SLC17A5: variants seen among roughly 807,000 people sequenced by gnomAD.
The protein encoded by SLC17A5 is sialin.
Under a neutral mutation model 59.4 loss-of-function variants are expected in SLC17A5, and 47 were observed. The ratio of observed to expected loss-of-function variants is 0.79; its 90% CI spans 0.63 to 1.01. The LOEUF (loss-of-function observed/expected upper bound fraction) is 1.01, where lower values mean the gene tolerates loss of function less well. Among genes scored for constraint, SLC17A5 ranks in the 50% least tolerant of loss-of-function variants. The probability of loss-of-function intolerance (pLI) is 0.00; values close to 1 mark genes in which losing one functional copy is unlikely to be tolerated. For synonymous variants in SLC17A5, 202 were observed against 210.7 expected, an observed-to-expected ratio of 0.96 and a Z score of 0.36; for missense variants, 522 against 595.5, an observed-to-expected ratio of 0.88 and a Z score of 1.28.
rs1176835196 is a variant in SLC17A5, at chr6:73,644,394, A to C, written c.291+13T>G. The stretch of plus-strand genomic sequence containing the variant: ...GGATAATTAAAATTGTTTCCTTAAA[A>C]AATAGCACCTACCGTTTGATTATGA... On this transcript the variant is annotated intron_variant, in intron 2 of 10. Coordinates refer to ENST00000355773, the MANE Select transcript of SLC17A5 (RefSeq NM_012434.5). The C allele has an allele frequency of 3.7e-6, 6 of 1,605,986 alleles. No individual in the cohort carries two copies. In the African/African-American group the frequency reaches 8.0e-5, roughly 21 times the overall value.
chr6:73,601,271 C>T (rs1187884393), intron 9 of SLC17A5, among the ~76,000 whole-genome samples: 1 of 143,538 alleles, frequency 7.0e-6, no homozygotes, highest in East Asian at 2.1e-4. Context: ...TCTGCCCAGC[C>T]GCCCCGTCTG....
chr6:73,601,727 G>T (rs1767118093), intron 9 of SLC17A5, among the ~76,000 whole-genome samples: 1 of 123,284 alleles, frequency 8.1e-6, no homozygotes, highest in African/African-American at 3.3e-5. Flanking sequence ...GCCCCGTCCG[G>T]GAGGTGAGGG....
At position 73,621,934 on chromosome 6, in the gene SLC17A5, A is replaced by G. The variant is rs944895750; in HGVS notation, c.848T>C (p.Val283Ala). 7 of 1,613,952 alleles carry G rather than the reference A, an allele frequency of 4.3e-6. No individual in the cohort carries two copies. The African/African-American group carries it at 8.0e-5, about 18-fold the overall frequency. ...QLSSQKSVPW[V>A]PILKSLPLWA... Reference sequence around the variant, plus strand: ...AAGTGGCAGGGATTTTAAAATGGGTACCCACGGCACTGACTTCTGTGAAGA... The same window carrying G: ...AAGTGGCAGGGATTTTAAAATGGGTGCCCACGGCACTGACTTCTGTGAAGA... Residue 283 changes from valine to alanine, a missense_variant, in exon 7 of 11, where the codon GTA (valine) becomes GCA (alanine). Around this residue, in one of 3 missense-constraint regions of SLC17A5, gnomAD observed 338 missense variants for 363.8 expected, o/e 0.93. Transcript: ENST00000355773.
chr6:73,640,713 A>G (rs1228229716), intron 3 of SLC17A5, among the ~76,000 whole-genome samples: 1 of 152,216 alleles, frequency 6.6e-6, no homozygotes, highest in African/African-American at 2.4e-5. Flanking sequence ...ATAAAGGAAA[A>G]GTGAAAATTA....
intron 10 of SLC17A5, among the ~76,000 whole-genome samples, chr6:73,598,362 G>A (rs1349393751): frequency 2.0e-5 from 3 of 152,212 alleles, no homozygotes; most frequent in Non-Finnish European, 4.4e-5. Flanking sequence ...TGGGCGCGGT[G>A]GCTCATGCCT....
Position 73,635,169 on chromosome 6 carries a change from A to G in SLC17A5, c.819+213T>C, listed in dbSNP as rs1768937103. The G allele has an allele frequency of 5.7e-5, 21 of 370,290 alleles. No homozygotes were observed. The South Asian group carries it at 1.1e-3, about 19-fold the overall frequency. 22.9% of individuals were successfully genotyped at this position (370,290 alleles called of 1,614,324 possible). A position where few individuals can be genotyped will look rare whatever the true frequency, so the allele number is the denominator to read the frequency against. On this transcript the variant is annotated intron_variant, in intron 6 of 10. Transcript: ENST00000355773. ...GACTAGGCTAGTCTCCTGACCTCAA[A>G]TGATCCTCCCACCTAGACCTCCCCA...
intron 1 of SLC17A5, among the ~76,000 whole-genome samples, chr6:73,651,480 A>AAAAAAAAAAAAAC (rs1769864490): frequency 6.6e-6 from 1 of 150,958 alleles, no homozygotes; most frequent in Admixed American, 6.6e-5. Flanking sequence ...AAAAAAAAAA[A>AAAAAAAAAAAAAC]AAAATCAGGA....
intron 9 of SLC17A5, among the ~76,000 whole-genome samples, chr6:73,603,799 G>A (rs1344204008): frequency 1.3e-5 from 2 of 151,874 alleles, no homozygotes; most frequent in Non-Finnish European, 2.9e-5. Flanking sequence ...TATCTCTTAG[G>A]TATCATTTCA....
At chr6:73,600,720 C>G (rs1331022640) in intron 9 of SLC17A5, among the ~76,000 whole-genome samples, 1 of 151,838 alleles carries the variant, frequency 6.6e-6, no homozygotes, top group Admixed American at 6.6e-5. Flanking sequence ...AGGCTGCTCT[C>G]GAGCTCCTGA....
intron 7 of SLC17A5, among the ~76,000 whole-genome samples, chr6:73,620,446 A>G (rs962481861): frequency 1.3e-5 from 2 of 152,242 alleles, no homozygotes; most frequent in Admixed American, 6.5e-5. Flanking sequence ...ATTGCTCACA[A>G]TGAATCCATC....
intron 1 of SLC17A5, among the ~76,000 whole-genome samples, chr6:73,645,930 G>C (rs935182977): frequency 1.4e-4 from 21 of 151,828 alleles, no homozygotes; most frequent in African/African-American, 4.6e-4. Flanking sequence ...CTTTTATTGA[G>C]TTGCAGAATT....
intron 9 of SLC17A5, among the ~76,000 whole-genome samples, chr6:73,603,929 C>CA (rs71542210): frequency 0.29 from 42,360 of 145,836 alleles, 6,204 homozygotes; most frequent in African/African-American, 0.33. Context: ...AAACAAAAAA[C>CA]AAAAAAAAAA....
At chr6:73,645,960 G>A (rs1453805967) in intron 1 of SLC17A5, among the ~76,000 whole-genome samples, 1 of 152,034 alleles carries the variant, frequency 6.6e-6, no homozygotes, top group African/African-American at 2.4e-5. Flanking sequence ...TAGGATTCAG[G>A]ATGCTGACTA....
At chr6:73,651,940 G>C (rs929167279) in intron 1 of SLC17A5, among the ~76,000 whole-genome samples, 16 of 152,090 alleles carry the variant, frequency 1.1e-4, no homozygotes, top group Non-Finnish European at 2.2e-4. Context: ...TCTGGGATTT[G>C]CTTCAAAATA....
chr6:73,613,360 A>G lies in SLC17A5; in HGVS notation c.1111+1955T>C, dbSNP rs184281859. 5.3e-3 allele frequency among the ~76,000 whole-genome samples: 741 copies of G among 140,640 alleles called. 3 individuals carry two copies. The highest frequency in any genetic ancestry group is 8.5e-3 in the Non-Finnish European group (559 of 65,394). The allele number at this position is 140,640 out of a possible 152,430, so 92.3% of individuals were successfully genotyped here. Reference sequence around the variant, plus strand: ...TAATTATAAGCCATGGTGGAGATAAATCTTTTATAAATTTTTTTTTTTTGA... The same window carrying G: ...TAATTATAAGCCATGGTGGAGATAAGTCTTTTATAAATTTTTTTTTTTTGA... On this transcript the variant is annotated intron_variant, in intron 8 of 10. Coordinates refer to ENST00000355773, the MANE Select transcript of SLC17A5 (RefSeq NM_012434.5).
intron 6 of SLC17A5, among the ~76,000 whole-genome samples, chr6:73,633,890 T>TA (rs150407115): frequency 6.6e-6 from 1 of 150,464 alleles, no homozygotes; most frequent in African/African-American, 2.5e-5. Flanking sequence ...AAAAAAAAAA[T>TA]AAATAAAATA....
intron 7 of SLC17A5, chr6:73,618,541 ACAGGAGGAAAAG>A (rs1767983245): frequency 3.8e-6 from 2 of 526,396 alleles, no homozygotes; most frequent in South Asian, 1.7e-5. Context: ...CTGCCAGCCT[ACAGGAGGAAAAG>A]CAAGGCTTAT....
intron 8 of SLC17A5, 151 bp from the exon 9 acceptor site, chr6:73,610,698 A>G (rs1767605785): frequency 2.6e-6 from 2 of 774,608 alleles, no homozygotes; most frequent in Non-Finnish European, 4.2e-6. Context: ...TGAGAAAAAA[A>G]AAATGCTGGA....
chr6:73,632,311 A>AAAAAAT (rs1768772599), intron 6 of SLC17A5, among the ~76,000 whole-genome samples: 1 of 150,696 alleles, frequency 6.6e-6, no homozygotes, highest in African/African-American at 2.5e-5. Flanking sequence ...AAAAAAAAAA[A>AAAAAAT]AAAGGAATGC....
Sources: gnomAD v4.1 joint callset for allele counts (sites outside exome capture counted in the v4.1 genomes callset) on GRCh38, gnomAD v4.1.1 for gene constraint, gnomAD v4.1.1 regional missense constraint, MANE v1.5 for transcripts, NCBI Gene and HGNC (gene_info 2026-07-23, HGNC 2026-07-21) for gene names.